ADAT2: variants seen among roughly 807,000 people sequenced by gnomAD.
ADAT2 encodes the protein tRNA-specific adenosine-34 deaminase catalytic subunit ADAT2.
A neutral mutation model predicts 25.9 loss-of-function variants in ADAT2; 26 were observed. That is an observed-to-expected ratio of 1.00 (90% CI 0.74 to 1.39). The LOEUF (loss-of-function observed/expected upper bound fraction) is 1.39, where lower values mean the gene tolerates loss of function less well. Among genes scored for constraint, ADAT2 ranks in the 40% most tolerant of loss-of-function variants. The pLI, the probability that ADAT2 is intolerant of heterozygous loss-of-function variation, is 0.00. For synonymous variants in ADAT2, 76 were observed against 86.8 expected (o/e 0.88, Z 0.69); for missense variants, 220 against 244.8 (o/e 0.90, Z 0.68).
chr6:143,430,633 C>T (rs1021987704), intron 4 of ADAT2, among the ~76,000 whole-genome samples: 36 of 152,228 alleles, frequency 2.4e-4, no homozygotes, highest in African/African-American at 7.7e-4. Context: ...GCAATCTCGG[C>T]TCACTCACTG....
At chr6:143,448,368 TTGTGCACA>T (rs879324932) in intron 1 of ADAT2, among the ~76,000 whole-genome samples, 3 of 152,124 alleles carry the variant, frequency 2.0e-5, no homozygotes, top group Admixed American at 2.0e-4. Flanking sequence ...AACCTGCACA[TTGTGCACA>T]TGTACCCTAG....
chr6:143,447,253 C>T (rs527725076), intron 1 of ADAT2, among the ~76,000 whole-genome samples: 1 of 152,160 alleles, frequency 6.6e-6, no homozygotes, highest in South Asian at 2.1e-4. Context: ...TTAATTTAAA[C>T]TTAAATAGAC....
chr6:143,447,531 T>C (rs1779631651), intron 1 of ADAT2, among the ~76,000 whole-genome samples: 1 of 152,210 alleles, frequency 6.6e-6, no homozygotes, highest in Non-Finnish European at 1.5e-5. Flanking sequence ...GGAAGGATGC[T>C]CCCAAAATAC....
In ADAT2 at chr6:143,436,591, G is replaced by T. The variant is rs1779290222; in HGVS notation, c.201+1999C>A. 1 of 412,652 alleles carries T rather than the reference G, an allele frequency of 2.4e-6. No individual in the cohort carries two copies. The highest frequency in any genetic ancestry group is 2.3e-5 in the Admixed American group (1 of 42,698). 25.6% of individuals were successfully genotyped at this position (412,652 alleles called of 1,614,324 possible). A position where few individuals can be genotyped will look rare whatever the true frequency, so the allele number is the denominator to read the frequency against. ...CATGGGCGAGGGCAAGAATGAGATG[G>T]AATTCACTGGGGCCGAGAGCAACAT... On this transcript the variant is annotated intron_variant, in intron 2 of 5. Coordinates refer to ENST00000237283, the MANE Select transcript of ADAT2 (RefSeq NM_182503.3). This position sits in a 1 kb window ranked among gnomAD's most constrained non-coding sequence, Gnocchi z 4.1.
At chr6:143,438,288 A>T (rs1287279706) in intron 2 of ADAT2, among the ~76,000 whole-genome samples, 5 of 152,230 alleles carry the variant, frequency 3.3e-5, no homozygotes, top group African/African-American at 1.2e-4. Context: ...GATGAAATAA[A>T]ATCCCCTCTT....
Position 143,428,226 on chromosome 6 carries a change from A to AT in ADAT2, c.*236dup. The AT allele has an allele frequency of 7.1e-6, 4 of 567,034 alleles. No homozygotes were observed. In the South Asian group the frequency reaches 9.1e-5, roughly 13 times the overall value. The allele number at this position is 567,034 out of a possible 1,614,324, so 35.1% of individuals were successfully genotyped here. ...CTAATTTCTAAAACCTCAAACCTTA[A>AT]TTTTCCCCCATCTTAAAATGGGAAT... On this transcript the variant is annotated 3_prime_UTR_variant, in exon 6 of 6. Coordinates refer to ENST00000237283, the MANE Select transcript of ADAT2 (RefSeq NM_182503.3). The surrounding 1 kb of genome is among the most constrained non-coding windows in gnomAD (Gnocchi z 5.0).
In ADAT2 at chr6:143,440,857, A is replaced by T. The variant is rs528236919; in HGVS notation, c.97-2163T>A. 9.8e-5 allele frequency among the ~76,000 whole-genome samples: 15 copies of T among 152,362 alleles called. No homozygotes were observed. The highest frequency in any genetic ancestry group is 1.9e-4 in the Non-Finnish European group (13 of 68,036). ...AGAGATCAAGGTACACAGAAGAGAC[A>T]AATCATTTATTCATGCAAAAAATAT... On this transcript the variant is annotated intron_variant, in intron 1 of 5. Transcript: ENST00000237283. The surrounding 1 kb of genome is among the most constrained non-coding windows in gnomAD (Gnocchi z 4.5).
intron 1 of ADAT2, among the ~76,000 whole-genome samples, chr6:143,450,191 T>G (rs933636186): frequency 1.3e-5 from 2 of 152,086 alleles, no homozygotes; most frequent in African/African-American, 4.8e-5. Flanking sequence ...CGTTCTCAGT[T>G]TCCTTCCTTC....
At chr6:143,443,763 G>C (rs912014013) in intron 1 of ADAT2, among the ~76,000 whole-genome samples, 5 of 151,728 alleles carry the variant, frequency 3.3e-5, no homozygotes. Flanking sequence ...CCCAGGAGGC[G>C]GAGGTTGCAG....
rs369075780 is a variant in ADAT2 at position 143,432,641 on chromosome 6, T to A, written c.353-30A>T. On this transcript the variant is annotated intron_variant, in intron 3 of 5. Transcript: ENST00000237283. This position sits in a 1 kb window ranked among gnomAD's most constrained non-coding sequence, Gnocchi z 4.4. ...GACAGAATTAAGGTCCTGCATAGAA[T>A]GTACATTTCAAGTATGTATCGTGAC... The A allele has an allele frequency of 2.5e-6, 4 of 1,602,918 alleles. No homozygotes were observed. In the South Asian group the frequency reaches 4.4e-5, roughly 18 times the overall value.
chr6:143,438,514 C>T (rs1358076807), intron 2 of ADAT2, 76 bp downstream of exon 2: 14 of 1,196,032 alleles, frequency 1.2e-5, no homozygotes, highest in Non-Finnish European at 1.7e-5. Flanking sequence ...CTCACCTTCA[C>T]ACCAACTGTG....
intron 1 of ADAT2, among the ~76,000 whole-genome samples, chr6:143,445,535 T>C (rs557905332): frequency 8.3e-4 from 127 of 152,166 alleles, no homozygotes; most frequent in Non-Finnish European, 1.4e-3. Flanking sequence ...CCACATCCTT[T>C]TGGTCCCTTA....
chr6:143,449,676 G>A (rs1257787726), intron 1 of ADAT2: 1 of 152,202 alleles, frequency 6.6e-6, no homozygotes, highest in African/African-American at 2.4e-5. Flanking sequence ...GCTGAAAAGT[G>A]CTAGCGAGCT....
chr6:143,428,505 T>C lies in ADAT2; in HGVS notation c.534A>G (p.Ala178=). ...KTFYKQENPN[A]PKSKVRKKEC... is the part of the protein sequence containing the mutation. ...CCTTTTTCCGAACTTTCGATTTTGG[T>C]GCTGTGAAAAGAATAGAAAAGAAAA... The change falls in exon 6 of 6, where the codon GCA becomes GCG. Residue 178 remains alanine (A), a splice_region_variant and synonymous_variant. Coordinates refer to ENST00000237283, the MANE Select transcript of ADAT2 (RefSeq NM_182503.3). This position sits in a 1 kb window ranked among gnomAD's most constrained non-coding sequence, Gnocchi z 5.0. The C allele has an allele frequency of 6.2e-7, 1 of 1,614,006 alleles. No homozygotes were observed. The highest frequency in any genetic ancestry group is 8.5e-7 in the Non-Finnish European group (1 of 1,179,992).
intron 1 of ADAT2, among the ~76,000 whole-genome samples, chr6:143,448,132 T>C (rs1779649021): frequency 6.6e-6 from 1 of 152,188 alleles, no homozygotes; most frequent in Non-Finnish European, 1.5e-5. Flanking sequence ...ACCATCATTC[T>C]GAGCAAACTA....
At chr6:143,449,342 G>A (rs1246045148) in intron 1 of ADAT2, among the ~76,000 whole-genome samples, 1 of 152,208 alleles carries the variant, frequency 6.6e-6, no homozygotes, top group Non-Finnish European at 1.5e-5. Flanking sequence ...ATGAGCCACT[G>A]CATCTGGCCA....
rs567836698 is a variant in ADAT2 at position 143,439,043 on chromosome 6, G to A, written c.97-349C>T. The stretch of plus-strand genomic sequence containing the variant: ...TAGAATACATATTTGCAAAAAGGTA[G>A]GGGACTAAATAACACTTATAGATCC... On this transcript the variant is annotated intron_variant, in intron 1 of 5. Transcript: ENST00000237283. 2.0e-5 allele frequency among the ~76,000 whole-genome samples: 3 copies of A among 152,194 alleles called. No individual in the cohort carries two copies. In the East Asian group the frequency reaches 5.8e-4, roughly 29 times the overall value.
chr6:143,447,552 ATC>A (rs1253692815), intron 1 of ADAT2, among the ~76,000 whole-genome samples: 1 of 152,258 alleles, frequency 6.6e-6, no homozygotes, highest in Non-Finnish European at 1.5e-5. Flanking sequence ...TAATAGTATT[ATC>A]TCTAATAGTA....
rs1357997174 is a variant in ADAT2 at position 143,444,060 on chromosome 6, G to A, written c.97-5366C>T. 6.6e-6 allele frequency among the ~76,000 whole-genome samples: 1 copy of A among 151,958 alleles called. No homozygotes were observed. Among genetic ancestry groups the A allele is most frequent in the Non-Finnish European group, 1.5e-5 (1 of 67,972 alleles). On this transcript the variant is annotated intron_variant, in intron 1 of 5. Coordinates refer to ENST00000237283, the MANE Select transcript of ADAT2 (RefSeq NM_182503.3). This position sits in a 1 kb window ranked among gnomAD's most constrained non-coding sequence, Gnocchi z 4.3. ...GTTCTGTCTTGTTCACCTGGAGATA[G>A]CACCCACGCCACCATGTTACTGGGT...
Sources: allele counts gnomAD v4.1 joint callset (sites outside exome capture counted in the v4.1 genomes callset), GRCh38; gene constraint gnomAD v4.1.1; non-coding constraint Gnocchi (gnomAD v3.1); transcripts MANE v1.5; gene names NCBI Gene and HGNC (gene_info 2026-07-23, HGNC 2026-07-21).